AP3B1: variants seen among roughly 807,000 people sequenced by gnomAD.
AP3B1 encodes adaptor related protein complex 3 subunit beta 1.
In AP3B1, 61 loss-of-function variants were observed where a neutral mutation model predicts 132.5. The ratio of observed to expected loss-of-function variants is 0.46; its 90% CI spans 0.37 to 0.57. The LOEUF (loss-of-function observed/expected upper bound fraction) is 0.57. Among genes scored for constraint, AP3B1 ranks in the 20% least tolerant of loss-of-function variants. The pLI, the probability that AP3B1 is intolerant of heterozygous loss-of-function variation, is 0.00. For missense variants in AP3B1, 1,120 were observed against 1,289.4 expected (o/e 0.87, Z 2.01); for synonymous variants, 388 against 438.3 (o/e 0.89, Z 1.43).
chr5:78,043,537 A>C, intron 22 of AP3B1: 1 of 407,724 alleles, frequency 2.5e-6, no homozygotes, highest in South Asian at 2.2e-5. Flanking sequence ...ATGAACTGTA[A>C]GTGCTCTTCA....
intron 22 of AP3B1, among the ~76,000 whole-genome samples, chr5:78,049,689 T>C (rs1405085256): frequency 6.6e-6 from 1 of 152,170 alleles, no homozygotes; most frequent in Non-Finnish European, 1.5e-5. Context: ...CCACCACCTA[T>C]CATCTGGATT....
Position 78,067,670 on chromosome 5 carries a change from G to C in AP3B1, c.2577+21723C>G, listed in dbSNP as rs553572740. On this transcript the variant is annotated intron_variant, in intron 22 of 26. Coordinates refer to ENST00000255194, the MANE Select transcript of AP3B1 (RefSeq NM_003664.5). ...AACAACCTGCTACTGATTGACTCCT[G>C]GGTAAAAAATTAAGGCAGAAATCAA... Among the ~76,000 whole-genome samples, 17 of 152,150 alleles carry C rather than the reference G, an allele frequency of 1.1e-4. No individual in the cohort carries two copies. The East Asian group carries it at 2.9e-3, about 26-fold the overall frequency.
chr5:78,104,368 C>T (rs146258496), intron 20 of AP3B1, among the ~76,000 whole-genome samples: 203 of 152,156 alleles, frequency 1.3e-3, no homozygotes, highest in East Asian at 7.5e-3. Flanking sequence ...TATTAGAGTA[C>T]GCCTACTTCA....
In AP3B1 at chr5:78,161,410, C is replaced by G. The variant is rs558814114; in HGVS notation, c.1363+1409G>C. 2.0e-4 allele frequency among the ~76,000 whole-genome samples: 31 copies of G among 152,052 alleles called. 1 individual carries two copies. In the South Asian group the frequency reaches 6.4e-3, roughly 32 times the overall value. The stretch of plus-strand genomic sequence containing the variant: ...GTAAAAGAACAATTGCCCTGGTAAG[C>G]CTTGGTTCATAATCTTTAATGGTAC... On this transcript the variant is annotated intron_variant, in intron 13 of 26. Transcript: ENST00000255194.
At chr5:78,040,352 G>A (rs1012925703) in intron 22 of AP3B1, among the ~76,000 whole-genome samples, 1 of 152,062 alleles carries the variant, frequency 6.6e-6, no homozygotes, top group Non-Finnish European at 1.5e-5. Flanking sequence ...TATGTACTAG[G>A]AGATATTTCT....
At chr5:78,085,015 C>A (rs897497635) in intron 22 of AP3B1, among the ~76,000 whole-genome samples, 13 of 151,706 alleles carry the variant, frequency 8.6e-5, no homozygotes, top group Non-Finnish European at 1.6e-4. Context: ...TATCACTAGA[C>A]ATTTAGGTTT....
rs141348590 is a variant in AP3B1 at position 78,222,361 on chromosome 5, G to A, written c.603+3181C>T. The stretch of plus-strand genomic sequence containing the variant: ...TCAAGGCCAAGGAGGCTGCTGCCCT[G>A]CGATCCCAAGGCAGCTGCAGCATTA... On this transcript the variant is annotated intron_variant, in intron 6 of 26. Coordinates refer to ENST00000255194, the MANE Select transcript of AP3B1 (RefSeq NM_003664.5). 556 of 153,624 alleles carry A rather than the reference G, an allele frequency of 3.6e-3. 3 individuals are homozygous for A. Among genetic ancestry groups the A allele is most frequent in the Middle Eastern group, 0.01 (3 of 300 alleles). 9.5% of individuals were successfully genotyped at this position (153,624 alleles called of 1,614,324 possible).
At chr5:78,084,126 G>A (rs76798696) in intron 22 of AP3B1, among the ~76,000 whole-genome samples, 7,948 of 152,062 alleles carry the variant, frequency 0.052, 703 homozygotes, top group African/African-American at 0.18. Context: ...ATGGAAATCT[G>A]CCTTGCTATC....
At chr5:78,260,526 G>A (rs139026243) in intron 2 of AP3B1, among the ~76,000 whole-genome samples, 2,348 of 151,908 alleles carry the variant, frequency 0.015, 58 homozygotes, top group African/African-American at 0.05. Context: ...CCCAGAAGGC[G>A]GAGGTTGCAG....
At chr5:78,017,251 T>C (rs180747909) in intron 25 of AP3B1, among the ~76,000 whole-genome samples, 42 of 152,224 alleles carry the variant, frequency 2.8e-4, no homozygotes, top group African/African-American at 3.4e-4. Flanking sequence ...AGCTAATGTA[T>C]TGGCATAAAG....
rs972417390 is a variant in AP3B1, at chr5:78,023,825, G to A, written c.2895-3036C>T. On this transcript the variant is annotated intron_variant, in intron 24 of 26. Coordinates refer to ENST00000255194, the MANE Select transcript of AP3B1 (RefSeq NM_003664.5). ...ACTACACAATGCAGTGAGTTGAAGG[G>A]TGAAGGGAAGATTGGCAATGGAAGA... is the stretch of plus-strand genomic sequence containing the variant. 3.9e-5 allele frequency among the ~76,000 whole-genome samples: 6 copies of A among 152,276 alleles called. No individual in the cohort carries two copies. In the South Asian group the frequency reaches 1.2e-3, roughly 32 times the overall value.
chr5:78,215,168 T>C (rs1268962936), intron 7 of AP3B1, among the ~76,000 whole-genome samples: 5 of 152,044 alleles, frequency 3.3e-5, no homozygotes, highest in African/African-American at 1.2e-4. Context: ...CATAAGTATG[T>C]ATACAGACCA....
At chr5:78,142,836 G>T (rs74701564) in intron 14 of AP3B1, among the ~76,000 whole-genome samples, 4,174 of 152,218 alleles carry the variant, frequency 0.027, 75 homozygotes, top group Non-Finnish European at 0.046. Flanking sequence ...TATTCATGCA[G>T]TGTGATAAAA....
At chr5:78,114,202 A>T (rs1210316089) in intron 18 of AP3B1, among the ~76,000 whole-genome samples, 1 of 152,180 alleles carries the variant, frequency 6.6e-6, no homozygotes, top group Non-Finnish European at 1.5e-5. Flanking sequence ...AGGGAATCTC[A>T]CTTCAAACCC....
chr5:78,107,282 G>T (rs1290353411), intron 20 of AP3B1, among the ~76,000 whole-genome samples: 1 of 152,136 alleles, frequency 6.6e-6, no homozygotes, highest in Non-Finnish European at 1.5e-5. Flanking sequence ...TACTGGGTTT[G>T]GGGAAGGATC....
chr5:78,088,828 T>C (rs1750375678), intron 22 of AP3B1, among the ~76,000 whole-genome samples: 1 of 152,212 alleles, frequency 6.6e-6, no homozygotes, highest in Non-Finnish European at 1.5e-5. Context: ...TCAAATACCA[T>C]GATATGTTGA....
intron 21 of AP3B1, among the ~76,000 whole-genome samples, chr5:78,089,786 C>T (rs952420336): frequency 3.9e-5 from 6 of 152,056 alleles, no homozygotes; most frequent in African/African-American, 1.4e-4. Flanking sequence ...TAACATTTAT[C>T]ACCCAGTAAT....
intron 3 of AP3B1, among the ~76,000 whole-genome samples, chr5:78,231,399 C>A (rs1457052085): frequency 6.6e-6 from 1 of 152,012 alleles, no homozygotes; most frequent in African/African-American, 2.4e-5. Context: ...GTCTTGAACA[C>A]CTGACCTCAG....
At chr5:78,161,608 C>T (rs937655813) in intron 13 of AP3B1, among the ~76,000 whole-genome samples, 1 of 151,810 alleles carries the variant, frequency 6.6e-6, no homozygotes. Context: ...GAATGGATGA[C>T]GTTTATCATC....
Sources: gnomAD v4.1 joint callset for allele counts (sites outside exome capture counted in the v4.1 genomes callset) on GRCh38, gnomAD v4.1.1 for gene constraint, MANE v1.5 for transcripts, NCBI Gene and HGNC (gene_info 2026-07-23, HGNC 2026-07-21) for gene names.